PCDHA7: variants seen among roughly 807,000 people sequenced by gnomAD.
PCDHA7 encodes protocadherin alpha-7.
In PCDHA7, 37 loss-of-function variants were observed where a neutral mutation model predicts 57.2. The ratio of observed to expected loss-of-function variants is 0.65; its 90% confidence interval spans 0.50 to 0.85. The LOEUF (loss-of-function observed/expected upper bound fraction) is 0.85. Ranked by LOEUF, PCDHA7 falls within the 40% of genes least tolerant of loss-of-function variation. The pLI, the probability that PCDHA7 is intolerant of heterozygous loss-of-function variation, is 0.00. For synonymous variants in PCDHA7, 553 were observed against 558.8 expected, an observed-to-expected ratio of 0.99 and a Z score of 0.15; for missense variants, 1,188 against 1,241.8, an observed-to-expected ratio of 0.96 and a Z score of 0.65.
At chr5:140,846,601 C>T (rs1554141391) in intron 1 of PCDHA7, among the ~76,000 whole-genome samples, 1 of 148,800 alleles carries the variant, frequency 6.7e-6, no homozygotes, top group Non-Finnish European at 1.5e-5. Flanking sequence ...GTCTCGATCT[C>T]CTGACCTCCT....
At chr5:140,885,685 A>G (rs2060694021) in intron 1 of PCDHA7, among the ~76,000 whole-genome samples, 1 of 152,198 alleles carries the variant, frequency 6.6e-6, no homozygotes, top group African/African-American at 2.4e-5. Flanking sequence ...TATCTCAAGA[A>G]GCAATAGTGG....
At chr5:140,947,622 G>C (rs1435558526) in intron 1 of PCDHA7, among the ~76,000 whole-genome samples, 1 of 151,534 alleles carries the variant, frequency 6.6e-6, no homozygotes, top group East Asian at 1.9e-4. Context: ...TAACAATATT[G>C]AGTCATCAGA....
intron 1 of PCDHA7, among the ~76,000 whole-genome samples, chr5:140,934,913 G>A (rs1226804104): frequency 1.3e-5 from 2 of 152,062 alleles, no homozygotes; most frequent in African/African-American, 4.8e-5. Flanking sequence ...GAATAATTAT[G>A]GATTCACATA....
At chr5:140,959,230 A>C (rs776449475) in intron 1 of PCDHA7, among the ~76,000 whole-genome samples, 13 of 152,092 alleles carry the variant, frequency 8.5e-5, no homozygotes, top group Non-Finnish European at 1.0e-4. Context: ...TACAAAAATT[A>C]TCTGGGCATG....
intron 1 of PCDHA7, chr5:140,967,632 A>G (rs371201664): frequency 1.9e-5 from 31 of 1,614,028 alleles, no homozygotes; most frequent in Admixed American, 1.7e-4. Context: ...GAGGGCTCCA[A>G]TGGTGAGCTC....
chr5:140,905,368 T>G (rs536118800), intron 1 of PCDHA7, among the ~76,000 whole-genome samples: 47 of 152,336 alleles, frequency 3.1e-4, no homozygotes, highest in Non-Finnish European at 4.6e-4. Flanking sequence ...TATTTCTGGT[T>G]CTCTGTTCTG....
At chr5:140,876,509 A>G (rs782112140) in intron 1 of PCDHA7, 2 of 1,614,020 alleles carry the variant, frequency 1.2e-6, no homozygotes, top group South Asian at 2.2e-5. Flanking sequence ...GTGAATGACA[A>G]TGTCCCTGAA....
chr5:140,921,498 A>G (rs2080245132), intron 1 of PCDHA7, among the ~76,000 whole-genome samples: 1 of 152,230 alleles, frequency 6.6e-6, no homozygotes, highest in African/African-American at 2.4e-5. Context: ...TTAGTTTATT[A>G]GATAGTGCCT....
intron 1 of PCDHA7, among the ~76,000 whole-genome samples, chr5:140,899,745 A>G: frequency 6.6e-6 from 1 of 152,214 alleles, no homozygotes; most frequent in Non-Finnish European, 1.5e-5. Flanking sequence ...GAATAGTTTC[A>G]GAAGGAATGG....
At chr5:140,909,344 C>T (rs900022411) in intron 1 of PCDHA7, among the ~76,000 whole-genome samples, 1 of 152,164 alleles carries the variant, frequency 6.6e-6, no homozygotes, top group Non-Finnish European at 1.5e-5. Context: ...TACCAGGTAC[C>T]AAGAGATGTG....
intron 1 of PCDHA7, among the ~76,000 whole-genome samples, chr5:140,947,600 G>A (rs1328645188): frequency 1.3e-5 from 2 of 151,624 alleles, no homozygotes; most frequent in African/African-American, 4.8e-5. Flanking sequence ...ATTTAGGGAA[G>A]ATTTGGTATC....
intron 3 of PCDHA7, among the ~76,000 whole-genome samples, chr5:140,986,734 C>T (rs2153854061): frequency 6.6e-6 from 1 of 152,260 alleles, no homozygotes; most frequent in Non-Finnish European, 1.5e-5. Context: ...TCTCAAGACC[C>T]CAGGGGATCT....
chr5:140,987,214 A>G (rs78124050), intron 3 of PCDHA7, among the ~76,000 whole-genome samples: 3 of 131,916 alleles, frequency 2.3e-5, no homozygotes, highest in Admixed American at 2.2e-4. Context: ...ACTCCATCTC[A>G]AAAAAAAAAA....
intron 1 of PCDHA7, chr5:140,882,600 A>G: frequency 6.2e-7 from 1 of 1,614,252 alleles, no homozygotes; most frequent in East Asian, 2.2e-5. Context: ...GTGATCGTGG[A>G]CAGGCCTCTG....
chr5:140,884,988 ATGTT>A (rs1398620689), intron 1 of PCDHA7, among the ~76,000 whole-genome samples: 1 of 152,242 alleles, frequency 6.6e-6, no homozygotes, highest in Non-Finnish European at 1.5e-5. Context: ...CATTTAGAAA[ATGTT>A]TGTTTTAATG....
rs543512832 is a variant in PCDHA7 at position 140,899,964 on chromosome 5, T to C, written c.2355+63226T>C. On this transcript the variant is annotated intron_variant, in intron 1 of 3. Coordinates refer to ENST00000525929, the MANE Select transcript of PCDHA7 (RefSeq NM_018910.3). Reference sequence around the variant, plus strand: ...CTGGGACCACAGGCATGTGCTGCCATGCCCAGCTACTTTTTTGATTTTTTT... The same window carrying C: ...CTGGGACCACAGGCATGTGCTGCCACGCCCAGCTACTTTTTTGATTTTTTT... 3.3e-5 allele frequency among the ~76,000 whole-genome samples: 5 copies of C among 151,940 alleles called. No individual in the cohort carries two copies. In the South Asian group the frequency reaches 6.2e-4, roughly 19 times the overall value.
chr5:140,848,614 A>G (rs2150414883), intron 1 of PCDHA7: 3 of 1,593,564 alleles, frequency 1.9e-6, no homozygotes, highest in African/African-American at 1.3e-5. Flanking sequence ...GAGGAAGCCG[A>G]ACACGGCACC....
intron 1 of PCDHA7, chr5:140,869,706 T>C (rs1554163364): frequency 2.5e-6 from 4 of 1,613,406 alleles, no homozygotes; most frequent in South Asian, 1.1e-5. Flanking sequence ...AGTCTCTGGA[T>C]AGAGAGAAAA....
intron 1 of PCDHA7, chr5:140,860,444 T>C (rs1311147382): frequency 6.6e-6 from 1 of 152,156 alleles, no homozygotes; most frequent in South Asian, 2.1e-4. Flanking sequence ...CTTTTTCATA[T>C]TAATTCACGT....
Sources: allele counts gnomAD v4.1 joint callset (sites outside exome capture counted in the v4.1 genomes callset), GRCh38; gene constraint gnomAD v4.1.1; transcripts MANE v1.5; gene names NCBI Gene and HGNC (gene_info 2026-07-23, HGNC 2026-07-21).